The following SLC9A1 variants were observed in gnomAD, a reference collection of about 807,000 sequenced individuals.
The protein encoded by SLC9A1 is solute carrier family 9 member A1.
Under a neutral mutation model 67.9 loss-of-function variants are expected in SLC9A1, and 22 were observed. The ratio of observed to expected loss-of-function variants is 0.32; its 90% CI spans 0.23 to 0.46. The LOEUF (loss-of-function observed/expected upper bound fraction) is 0.46. SLC9A1 is among the 20% of genes least tolerant of loss of function. The pLI is 1.00. For missense variants in SLC9A1, 686 were observed against 1,094.8 expected, an observed-to-expected ratio of 0.63 and a Z score of 5.27; for synonymous variants, 421 against 471.8, an observed-to-expected ratio of 0.89 and a Z score of 1.40.
rs564472575 is a variant in SLC9A1, at chr1:27,099,870, C to A, written c.*437G>T. ...CATGTGCCTGGTACCCCTGGTTTGT[C>A]CCCTGATAAAGCAGGGCCTACTCAA... On this transcript the variant is annotated 3_prime_UTR_variant, in exon 12 of 12. Transcript: ENST00000263980. The A allele has an allele frequency of 1.4e-3, 232 of 162,342 alleles. 1 individual carries two copies. The highest frequency in any genetic ancestry group is 3.0e-3 in the Middle Eastern group (1 of 332). The allele number at this position is 162,342 out of a possible 1,614,324, so 10.1% of individuals were successfully genotyped here. A position where few individuals can be genotyped will look rare whatever the true frequency, so the allele number is the denominator to read the frequency against.
chr1:27,133,462 T>C (rs2083399313), intron 1 of SLC9A1, among the ~76,000 whole-genome samples: 1 of 152,132 alleles, frequency 6.6e-6, no homozygotes, highest in South Asian at 2.1e-4. Flanking sequence ...ACCCAAACAC[T>C]GAGCTAGAAG....
At chr1:27,105,323 G>A (rs1166174070) in intron 5 of SLC9A1, 1 of 197,466 alleles carries the variant, frequency 5.1e-6, no homozygotes, top group Non-Finnish European at 1.1e-5. Flanking sequence ...TTTTGAGATG[G>A]AATTTCACTC....
Position 27,102,031 on chromosome 1 carries a change from C to T in SLC9A1, c.1920G>A (p.Gln640=), listed in dbSNP as rs748821948. 1 of 1,613,346 alleles carries T rather than the reference C, an allele frequency of 6.2e-7. No homozygotes were observed. Among genetic ancestry groups the T allele is most frequent in the Non-Finnish European group, 8.5e-7 (1 of 1,179,376 alleles). The change falls in exon 9 of 12, where the codon CAG becomes CAA. Residue 640 remains glutamine (Q), a synonymous_variant. Transcript: ENST00000263980. The part of the protein sequence containing the change: ...EIRKILRNNL[Q]KTRQRLRSYN... The stretch of plus-strand genomic sequence containing the variant: ...AGGCCCTCACCCGCTGCCTGGTCTT[C>T]TGCAAGTTGTTCCTCAGGATTTTGC...
At chr1:27,149,843 G>A (rs1445535860) in intron 1 of SLC9A1, among the ~76,000 whole-genome samples, 1 of 152,234 alleles carries the variant, frequency 6.6e-6, no homozygotes, top group Non-Finnish European at 1.5e-5. Context: ...CCATGGGGCT[G>A]GCTTGGAAGG....
At chr1:27,122,479 A>G (rs761370154) in intron 1 of SLC9A1, among the ~76,000 whole-genome samples, 4 of 152,200 alleles carry the variant, frequency 2.6e-5, no homozygotes, top group Admixed American at 6.5e-5. Flanking sequence ...GAGAGTGAAC[A>G]GTGCAGGAGA....
intron 1 of SLC9A1, among the ~76,000 whole-genome samples, chr1:27,130,147 C>T (rs1453093636): frequency 1.3e-5 from 2 of 152,234 alleles, no homozygotes; most frequent in African/African-American, 2.4e-5. Context: ...GTCGCTCAGG[C>T]TGGAGTGCAG....
At chr1:27,119,856 C>A (rs963877636) in intron 1 of SLC9A1, among the ~76,000 whole-genome samples, 1 of 152,158 alleles carries the variant, frequency 6.6e-6, no homozygotes, top group Non-Finnish European at 1.5e-5. Context: ...AAAGGGCCAG[C>A]GGTAGGTTTT....
chr1:27,101,283 A>AGAGGACAGACGGGGT lies in SLC9A1; in HGVS notation c.2038-23_2038-9dup, dbSNP rs775267394. ...CGTCAGGTAGTTGTTGATCTGACAG[A>AGAGGACAGACGGGGT]GAGGACAGACGGGGTGAGCACAGGC... On this transcript the variant is annotated splice_polypyrimidine_tract_variant and intron_variant, in intron 10 of 11. Coordinates refer to ENST00000263980, the MANE Select transcript of SLC9A1 (RefSeq NM_003047.5). This position sits in a 1 kb window ranked among gnomAD's most constrained non-coding sequence, Gnocchi z 4.9. 1 of 1,610,956 alleles carries AGAGGACAGACGGGGT rather than the reference A, an allele frequency of 6.2e-7. No individual in the cohort carries two copies. Among genetic ancestry groups the AGAGGACAGACGGGGT allele is most frequent in the Non-Finnish European group, 8.5e-7 (1 of 1,179,100 alleles).
At position 27,106,085 on chromosome 1, in the gene SLC9A1, C is replaced by T. The variant is rs999557464; in HGVS notation, c.1285G>A (p.Val429Met). 3 of 1,610,282 alleles carry T rather than the reference C, an allele frequency of 1.9e-6. No individual in the cohort carries two copies. The highest frequency in any genetic ancestry group is 2.7e-5 in the African/African-American group (2 of 74,882). ...LFCLIARVLG[V>M]LGLTWFINKF... ...TTGATGAACCAGGTCAGGCCCAGCA[C>T]CCCTGCAGGGGAAGGCAGGGGGTGA... Residue 429 changes from valine (V) to methionine (M), a missense_variant and splice_region_variant, in exon 5 of 12, where the codon GTG (valine) becomes ATG (methionine). Physicochemically the swap from Val to Met is conservative, Grantham distance 21. This residue lies in a region of SLC9A1 where 168 missense variants were observed against 375.4 expected (regional missense o/e 0.45). Transcript: ENST00000263980. This position sits in a 1 kb window ranked among gnomAD's most constrained non-coding sequence, Gnocchi z 4.3.
chr1:27,144,957 C>G (rs983102354), intron 1 of SLC9A1, among the ~76,000 whole-genome samples: 2 of 151,160 alleles, frequency 1.3e-5, no homozygotes, highest in Non-Finnish European at 2.9e-5. Context: ...GAGGCTGAGG[C>G]AGAATTGCTT....
chr1:27,102,519 C>G lies in SLC9A1; in HGVS notation c.1686G>C (p.Leu562=), dbSNP rs1341008207. The change falls in exon 8 of 12, where the codon CTG becomes CTC. Residue 562 remains leucine, a synonymous_variant. Transcript: ENST00000263980. ...RFNKKYVKKC[L]IAGERSKEPQ... ...GCTCCTTGGAGCGCTCGCCAGCTAT[C>G]AGACACTTCTTCACATATTTCTTAT... 3.7e-6 allele frequency: 6 copies of G among 1,609,042 alleles called. No homozygotes were observed. Among genetic ancestry groups the G allele is most frequent in the Non-Finnish European group, 5.1e-6 (6 of 1,176,152 alleles).
chr1:27,100,607 G>A lies in SLC9A1; in HGVS notation c.2148C>T (p.Val716=). 1 of 1,613,086 alleles carries A rather than the reference G, an allele frequency of 6.2e-7. No homozygotes were observed. Among genetic ancestry groups the A allele is most frequent in the Non-Finnish European group, 8.5e-7 (1 of 1,179,362 alleles). Residue 716 remains valine, a synonymous_variant, in exon 12 of 12, where the codon GTC becomes GTT. Coordinates refer to ENST00000263980, the MANE Select transcript of SLC9A1 (RefSeq NM_003047.5). This position sits in a 1 kb window ranked among gnomAD's most constrained non-coding sequence, Gnocchi z 5.6. ...GCGGGGAAGCCGGGTCGATGGTGAT[G>A]ACAGGCAGGTCCTCCTTCGGCTCAT... ...LAYEPKEDLP[V]ITIDPASPQS...
Position 27,100,304 on chromosome 1 carries a change from G to A in SLC9A1, c.*3C>T. Reference sequence around the variant, plus strand: ...GGACAGGCGCTGCCTGCTGGCCCTGGTGTTACTGCCCCTTGGGGAAGAACG... The same window carrying A: ...GGACAGGCGCTGCCTGCTGGCCCTGATGTTACTGCCCCTTGGGGAAGAACG... On this transcript the variant is annotated 3_prime_UTR_variant, in exon 12 of 12. Coordinates refer to ENST00000263980, the MANE Select transcript of SLC9A1 (RefSeq NM_003047.5). The surrounding 1 kb of genome is among the most constrained non-coding windows in gnomAD (Gnocchi z 5.6). The A allele has an allele frequency of 6.6e-7, 1 of 1,520,580 alleles. No individual in the cohort carries two copies. Among genetic ancestry groups the A allele is most frequent in the Non-Finnish European group, 8.8e-7 (1 of 1,134,558 alleles). The allele number at this position is 1,520,580 out of a possible 1,614,324, so 94.2% of individuals were successfully genotyped here.
intron 1 of SLC9A1, among the ~76,000 whole-genome samples, chr1:27,119,042 AACACACACACACACACAC>A (rs35231148): frequency 1.5e-4 from 21 of 139,356 alleles, no homozygotes; most frequent in African/African-American, 5.4e-4. Flanking sequence ...AGCTGGAACG[AACACACACACACACACAC>A]ACACACACAC....
chr1:27,104,384 T>C (rs190740645), intron 5 of SLC9A1, among the ~76,000 whole-genome samples: 1 of 147,048 alleles, frequency 6.8e-6, no homozygotes, highest in Non-Finnish European at 1.5e-5. Flanking sequence ...GCCCAGCCTC[T>C]CTCCTTTTTC....
At chr1:27,128,135 C>G (rs754561643) in intron 1 of SLC9A1, among the ~76,000 whole-genome samples, 1 of 152,144 alleles carries the variant, frequency 6.6e-6, no homozygotes, top group Non-Finnish European at 1.5e-5. Flanking sequence ...CAAGCTTGCA[C>G]GAGGCAGCAG....
intron 2 of SLC9A1, among the ~76,000 whole-genome samples, chr1:27,111,940 G>C (rs757589671): frequency 1.3e-5 from 2 of 152,226 alleles, no homozygotes; most frequent in Non-Finnish European, 2.9e-5. Flanking sequence ...GGCTGGGTCT[G>C]TTACCTGCTT....
At chr1:27,145,608 TGTGG>T (rs2083480293) in intron 1 of SLC9A1, among the ~76,000 whole-genome samples, 3 of 152,216 alleles carry the variant, frequency 2.0e-5, no homozygotes. Context: ...GGCTCAGCAC[TGTGG>T]CAAGGCCAGT....
chr1:27,143,245 C>G (rs1160656396), intron 1 of SLC9A1, among the ~76,000 whole-genome samples: 1 of 152,210 alleles, frequency 6.6e-6, no homozygotes, highest in South Asian at 2.1e-4. Flanking sequence ...AATCCCTTAG[C>G]AACCCCTCCT....
Sources: allele counts gnomAD v4.1 joint callset (sites outside exome capture counted in the v4.1 genomes callset), GRCh38; gene constraint gnomAD v4.1.1; regional missense constraint gnomAD v4.1.1; non-coding constraint Gnocchi (gnomAD v3.1); transcripts MANE v1.5; gene names NCBI Gene and HGNC (gene_info 2026-07-23, HGNC 2026-07-21).